HIVEP2: variants seen among roughly 807,000 people sequenced by gnomAD.
The protein encoded by HIVEP2 is HIVEP zinc finger 2.
HIVEP2 carries 14 observed loss-of-function variants against 180.7 expected under a neutral mutation model. The ratio of observed to expected loss-of-function variants is 0.08; its 90% CI spans 0.05 to 0.12. HIVEP2 has a LOEUF of 0.12. Ranked by LOEUF, HIVEP2 falls within the 10% of genes least tolerant of loss-of-function variation. The probability of loss-of-function intolerance (pLI) is 1.00; values close to 1 mark genes in which losing one functional copy is unlikely to be tolerated. For missense variants in HIVEP2, 2,579 were observed against 3,008.5 expected (o/e 0.86, Z 3.34); for synonymous variants, 1,184 against 1,136.4 (o/e 1.04, Z -0.84).
chr6:142,847,170 T>C (rs1362927646), intron 1 of HIVEP2, among the ~76,000 whole-genome samples: 6 of 152,134 alleles, frequency 3.9e-5, no homozygotes, highest in East Asian at 1.9e-4. Flanking sequence ...TAATGGCATG[T>C]TGGGGGTGGA....
intron 1 of HIVEP2, among the ~76,000 whole-genome samples, chr6:142,938,150 G>T (rs1778098685): frequency 6.6e-6 from 1 of 152,174 alleles, no homozygotes; most frequent in African/African-American, 2.4e-5. Flanking sequence ...GAGCTTCGAT[G>T]ACTTGTTTCC....
chr6:142,849,517 A>T (rs886570370), intron 1 of HIVEP2, among the ~76,000 whole-genome samples: 41 of 131,800 alleles, frequency 3.1e-4, no homozygotes, highest in South Asian at 7.8e-4. Flanking sequence ...TTATTTATTT[A>T]TTTTTTTTTT....
intron 1 of HIVEP2, among the ~76,000 whole-genome samples, chr6:142,937,887 C>G (rs1256985141): frequency 6.6e-6 from 1 of 152,148 alleles, no homozygotes; most frequent in Non-Finnish European, 1.5e-5. Flanking sequence ...GAGAGAGAGC[C>G]TGGGATGGAG....
chr6:142,908,730 TG>T (rs1226977028), intron 1 of HIVEP2, among the ~76,000 whole-genome samples: 6 of 152,020 alleles, frequency 3.9e-5, no homozygotes, highest in African/African-American at 1.5e-4. Flanking sequence ...GGGTGCTAAG[TG>T]GTAGGATGTC....
intron 1 of HIVEP2, among the ~76,000 whole-genome samples, chr6:142,926,461 T>G (rs1248991596): frequency 6.6e-6 from 1 of 152,186 alleles, no homozygotes; most frequent in Non-Finnish European, 1.5e-5. Context: ...AGTAAAAAGG[T>G]GGCAGTTAGA....
chr6:142,834,816 A>G (rs1224281365), intron 2 of HIVEP2, among the ~76,000 whole-genome samples: 1 of 152,064 alleles, frequency 6.6e-6, no homozygotes, highest in African/African-American at 2.4e-5. Context: ...AAAATTTATT[A>G]TTTGTAAAAA....
intron 1 of HIVEP2, among the ~76,000 whole-genome samples, chr6:142,847,578 C>T (rs1775549402): frequency 6.6e-6 from 1 of 152,260 alleles, no homozygotes; most frequent in African/African-American, 2.4e-5. Context: ...TGCCTGATGA[C>T]AAAATCAATT....
chr6:142,880,188 T>C (rs560999869), intron 1 of HIVEP2, among the ~76,000 whole-genome samples: 2 of 152,162 alleles, frequency 1.3e-5, no homozygotes, highest in South Asian at 2.1e-4. Context: ...TCTCATATTC[T>C]CTCTTTGCTC....
rs1218448387 is a variant in HIVEP2, at chr6:142,770,783, G to C, written c.3956C>G (p.Ala1319Gly). The change falls in exon 5 of 10, where the codon GCC becomes GGC. Residue 1319 changes from alanine (A) to glycine (G), a missense_variant. Around this residue, in one of 11 missense-constraint regions of HIVEP2, gnomAD observed 523 missense variants for 577.0 expected, o/e 0.91. Transcript: ENST00000367603. This position sits in a 1 kb window ranked among gnomAD's most constrained non-coding sequence, Gnocchi z 4.7. ...CTGCAAAGACCCAGCATTTGCCGAG[G>C]CAAAATCTTCTTGAAGAACCTGCTC... ...PSEQVLQEDFASANAGSLQSL... is the reference protein window; with the variant it reads ...PSEQVLQEDFGSANAGSLQSL... 2.5e-6 allele frequency: 4 copies of C among 1,614,072 alleles called. No homozygotes were observed. The highest frequency in any genetic ancestry group is 3.4e-6 in the Non-Finnish European group (4 of 1,180,046).
intron 2 of HIVEP2, among the ~76,000 whole-genome samples, chr6:142,829,623 T>C (rs780672700): frequency 6.6e-5 from 10 of 152,246 alleles, no homozygotes; most frequent in Non-Finnish European, 1.5e-4. Flanking sequence ...TACTCATCAT[T>C]GTATTCCTCC....
At chr6:142,763,716 G>A (rs967519822) in intron 7 of HIVEP2, among the ~76,000 whole-genome samples, 1 of 152,120 alleles carries the variant, frequency 6.6e-6, no homozygotes, top group Non-Finnish European at 1.5e-5. Flanking sequence ...GTAAAGTTCT[G>A]TATAAAAGGC....
intron 2 of HIVEP2, among the ~76,000 whole-genome samples, chr6:142,795,340 G>GA (rs1004469445): frequency 6.6e-6 from 1 of 151,536 alleles, no homozygotes; most frequent in Non-Finnish European, 1.5e-5. Flanking sequence ...TCACTGAAGG[G>GA]AAAAAATTTG....
intron 1 of HIVEP2, among the ~76,000 whole-genome samples, chr6:142,870,938 G>A (rs1776277072): frequency 6.6e-6 from 1 of 152,104 alleles, no homozygotes; most frequent in Non-Finnish European, 1.5e-5. Context: ...GCCAAGCAAT[G>A]TACAATTACC....
intron 1 of HIVEP2, among the ~76,000 whole-genome samples, chr6:142,936,417 C>T (rs1186241192): frequency 6.6e-6 from 1 of 151,912 alleles, no homozygotes; most frequent in African/African-American, 2.4e-5. Context: ...ATCTCGAACT[C>T]CTGACCTTGT....
Position 142,753,192 on chromosome 6 carries a change from T to C in HIVEP2, c.7256A>G (p.Gln2419Arg), listed in dbSNP as rs748569358. The C allele has an allele frequency of 1.9e-5, 30 of 1,613,816 alleles. 1 individual carries two copies. The South Asian group carries it at 3.2e-4, about 17-fold the overall frequency. Residue 2419 changes from glutamine to arginine, a missense_variant, in exon 10 of 10, where the codon CAG (glutamine) becomes CGG (arginine). Gln to Arg is a conservative substitution (Grantham distance 43, BLOSUM62 1). This residue lies in a region of HIVEP2 where 660 missense variants were observed against 731.7 expected (regional missense o/e 0.90). Coordinates refer to ENST00000367603, the MANE Select transcript of HIVEP2 (RefSeq NM_006734.4). ...TTCCTTGCTGCTGTGAAAGTCCAAC[T>C]GCTTGTCATCCACACAACTCTTGCT... is the stretch of plus-strand genomic sequence containing the variant. ...FYSKSCVDDK[Q>R]LDFHSSKELS...
At chr6:142,938,903 G>A (rs1302328242) in intron 1 of HIVEP2, among the ~76,000 whole-genome samples, 1 of 152,158 alleles carries the variant, frequency 6.6e-6, no homozygotes, top group African/African-American at 2.4e-5. Flanking sequence ...TAATGATTTA[G>A]ATACAGCTGG....
In HIVEP2 at chr6:142,772,112, G is replaced by A. The variant is rs750401798; in HGVS notation, c.2627C>T (p.Thr876Ile). Residue 876 changes from threonine to isoleucine, a missense_variant, in exon 5 of 10, where the codon ACA (threonine) becomes ATA (isoleucine). Thr to Ile is a moderately conservative substitution (Grantham distance 89). Around this residue, in one of 11 missense-constraint regions of HIVEP2, gnomAD observed 524 missense variants for 563.6 expected, o/e 0.93. Coordinates refer to ENST00000367603, the MANE Select transcript of HIVEP2 (RefSeq NM_006734.4). This position sits in a 1 kb window ranked among gnomAD's most constrained non-coding sequence, Gnocchi z 4.9. ...SQQVQQQSYH[T>I]QPRLVRQHNI... ...GTGTTGCCGAACTAGCCTGGGCTGT[G>A]TGTGATAGGACTGCTGCTGCACCTG... is the stretch of plus-strand genomic sequence containing the variant. 9.9e-6 allele frequency: 16 copies of A among 1,614,084 alleles called. No individual in the cohort carries two copies. The highest frequency in any genetic ancestry group is 1.4e-5 in the Non-Finnish European group (16 of 1,180,052).
intron 2 of HIVEP2, among the ~76,000 whole-genome samples, chr6:142,788,614 G>A (rs1776064861): frequency 6.6e-6 from 1 of 152,172 alleles, no homozygotes; most frequent in Non-Finnish European, 1.5e-5. Flanking sequence ...TCAGGAGGCT[G>A]AGGCAGGAAA....
At chr6:142,874,810 C>T (rs141604331) in intron 1 of HIVEP2, among the ~76,000 whole-genome samples, 4 of 152,138 alleles carry the variant, frequency 2.6e-5, no homozygotes, top group East Asian at 1.9e-4. Context: ...CTTAGAGACA[C>T]GATAAGAATT....
Sources: gnomAD v4.1 joint callset for allele counts (sites outside exome capture counted in the v4.1 genomes callset) on GRCh38, gnomAD v4.1.1 for gene constraint, gnomAD v4.1.1 regional missense constraint, Gnocchi (gnomAD v3.1) non-coding constraint, MANE v1.5 for transcripts, NCBI Gene and HGNC (gene_info 2026-07-23, HGNC 2026-07-21) for gene names.